MYO10: variants seen among roughly 807,000 people sequenced by gnomAD.
MYO10 encodes the protein myosin X.
Under a neutral mutation model 257.3 loss-of-function variants are expected in MYO10, and 133 were observed. The ratio of observed to expected loss-of-function variants is 0.52; its 90% confidence interval spans 0.45 to 0.60. MYO10 has a LOEUF of 0.60. Among genes scored for constraint, MYO10 ranks in the 20% least tolerant of loss-of-function variants. MYO10 has a pLI of 0.00. For missense variants in MYO10, 2,399 were observed against 2,635.7 expected (o/e 0.91, Z 1.97); for synonymous variants, 1,104 against 1,028.6 (o/e 1.07, Z -1.40).
Position 16,777,839 on chromosome 5 carries a change from CTTTTTTTT to C in MYO10, c.930+1698_930+1705del, listed in dbSNP as rs61326508. ...GCCACCCTAGGTGCATTGCATCTAA[CTTTTTTTT>C]TTTTTTTTTTTTTTTTTTTTGAGAC... is the stretch of plus-strand genomic sequence containing the variant. On this transcript the variant is annotated intron_variant, in intron 9 of 40. Coordinates refer to ENST00000513610, the MANE Select transcript of MYO10 (RefSeq NM_012334.3). 3.9e-3 allele frequency among the ~76,000 whole-genome samples: 345 copies of C among 88,458 alleles called. 4 individuals are homozygous for C. Among genetic ancestry groups the C allele is most frequent in the African/African-American group, 0.016 (301 of 18,630 alleles). 58.0% of individuals were successfully genotyped at this position (88,458 alleles called of 152,430 possible).
At chr5:16,894,571 G>A (rs926356408) in intron 1 of MYO10, among the ~76,000 whole-genome samples, 1 of 152,214 alleles carries the variant, frequency 6.6e-6, no homozygotes, top group African/African-American at 2.4e-5. Context: ...AAGAAGGTGA[G>A]TGGATAATCA....
intron 4 of MYO10, among the ~76,000 whole-genome samples, chr5:16,792,132 C>CACACACACAGAG (rs755315207): frequency 4.0e-5 from 3 of 75,290 alleles, no homozygotes; most frequent in African/African-American, 1.1e-4. Context: ...CACACACACA[C>CACACACACAGAG]AGAGAGAGAG....
At position 16,762,443 on chromosome 5, in the gene MYO10, T is replaced by G. The variant is rs55850620; in HGVS notation, c.1587+102A>C. 6.6e-3 allele frequency: 5,957 copies of G among 899,132 alleles called. 243 individuals carry two copies. In the African/African-American group the frequency reaches 0.089, roughly 13 times the overall value. The allele number at this position is 899,132 out of a possible 1,614,324, so 55.7% of individuals were successfully genotyped here. Reference sequence around the variant, plus strand: ...TTGGTTTGAGAATAAATGTTCAATGTGGGAGGCACAGTTGGGCCAGCGGAC... The same window carrying G: ...TTGGTTTGAGAATAAATGTTCAATGGGGGAGGCACAGTTGGGCCAGCGGAC... On this transcript the variant is annotated intron_variant, in intron 15 of 40. Coordinates refer to ENST00000513610, the MANE Select transcript of MYO10 (RefSeq NM_012334.3).
At chr5:16,771,953 T>C (rs138510872) in intron 9 of MYO10, among the ~76,000 whole-genome samples, 27 of 151,060 alleles carry the variant, frequency 1.8e-4, no homozygotes, top group Non-Finnish European at 2.5e-4. Context: ...AAGAAATCTA[T>C]ATAATCTCCA....
chr5:16,851,096 A>G (rs1211486750), intron 2 of MYO10, among the ~76,000 whole-genome samples: 1 of 152,054 alleles, frequency 6.6e-6, no homozygotes, highest in East Asian at 1.9e-4. Context: ...GAGCCACCAC[A>G]CCTGGCTTCA....
chr5:16,883,626 C>G (rs965955289), intron 1 of MYO10, among the ~76,000 whole-genome samples: 3 of 152,208 alleles, frequency 2.0e-5, no homozygotes, highest in African/African-American at 7.2e-5. Flanking sequence ...CTCCTTCCCA[C>G]TCCAATGGCA....
rs958044461 is a variant in MYO10, at chr5:16,762,556, T to C, written c.1576A>G (p.Ser526Gly). Residue 526 changes from serine to glycine, a missense_variant, in exon 15 of 41, where the codon AGT becomes GGT. Physicochemically the swap from Ser to Gly is moderately conservative, Grantham distance 56. Around this residue, in one of 3 missense-constraint regions of MYO10, gnomAD observed 337 missense variants for 446.8 expected, o/e 0.75. Transcript: ENST00000513610. Reference protein sequence around the residue: ...TDSTLLEKLHSQHANNHFYVK... With the variant: ...TDSTLLEKLHGQHANNHFYVK... ...AGGTTTTGACATACCGCATGCTGACTGTGTAGCTTCTCCAATAAGGTGCTG... is the reference window on the plus strand; with the variant it reads ...AGGTTTTGACATACCGCATGCTGACCGTGTAGCTTCTCCAATAAGGTGCTG... 1 of 1,607,096 alleles carries C rather than the reference T, an allele frequency of 6.2e-7. No individual in the cohort carries two copies. Among genetic ancestry groups the C allele is most frequent in the Admixed American group, 1.7e-5 (1 of 59,224 alleles).
At chr5:16,667,099 C>T (rs963784933) in intron 40 of MYO10, among the ~76,000 whole-genome samples, 13 of 152,202 alleles carry the variant, frequency 8.5e-5, no homozygotes, top group Admixed American at 2.0e-4. Flanking sequence ...TGAAGTTACT[C>T]GGTGTCAACA....
At chr5:16,821,262 C>CTCCTATGTGTACA (rs1212483243) in intron 2 of MYO10, among the ~76,000 whole-genome samples, 22 of 148,638 alleles carry the variant, frequency 1.5e-4, no homozygotes, top group African/African-American at 4.9e-4. Context: ...CTATGTGTAC[C>CTCCTATGTGTACA]TCCTATGTGT....
chr5:16,932,200 T>A (rs1746311933), intron 1 of MYO10, among the ~76,000 whole-genome samples: 1 of 152,246 alleles, frequency 6.6e-6, no homozygotes, highest in Non-Finnish European at 1.5e-5. Context: ...ATCTTACTTG[T>A]GTACATTTTA....
chr5:16,802,025 C>T (rs1016215644), intron 3 of MYO10, among the ~76,000 whole-genome samples: 1 of 152,108 alleles, frequency 6.6e-6, no homozygotes, highest in African/African-American at 2.4e-5. Context: ...TTATGACAGT[C>T]ACAAAAAGAT....
chr5:16,736,530 C>T (rs900673700), intron 19 of MYO10, among the ~76,000 whole-genome samples: 1 of 152,156 alleles, frequency 6.6e-6, no homozygotes, highest in African/African-American at 2.4e-5. Context: ...AATGATGTCA[C>T]GACCAGGTCC....
intron 19 of MYO10, among the ~76,000 whole-genome samples, chr5:16,737,073 T>C (rs57340582): frequency 1.1e-3 from 167 of 152,278 alleles, no homozygotes; most frequent in African/African-American, 3.9e-3. Context: ...AATATTCTTA[T>C]TTATCTGAAG....
chr5:16,671,582 GA>G, intron 37 of MYO10, 40 bp from the exon 38 acceptor site: 2 of 1,613,324 alleles, frequency 1.2e-6, no homozygotes, highest in South Asian at 2.2e-5. Context: ...ATATGAACGA[GA>G]AGGGCCTTCA....
Position 16,783,334 on chromosome 5 carries a change from C to T in MYO10, c.602+1G>A, listed in dbSNP as rs1458319115. On this transcript the variant is annotated splice_donor_variant, in intron 5 of 40. Coordinates refer to ENST00000513610, the MANE Select transcript of MYO10 (RefSeq NM_012334.3). LOFTEE classifies it high-confidence loss of function. The stretch of plus-strand genomic sequence containing the variant: ...TTGGAAACAAGAAAATCAATAAATA[C>T]CTGCTTTCAAGAATAGCTCGTTCAA... 6.7e-7 allele frequency: 1 copy of T among 1,498,862 alleles called. No homozygotes were observed. The highest frequency in any genetic ancestry group is 1.3e-5 in the South Asian group (1 of 75,594). 92.8% of individuals were successfully genotyped at this position (1,498,862 alleles called of 1,614,324 possible).
chr5:16,690,533 G>C (rs1407926972), intron 27 of MYO10, among the ~76,000 whole-genome samples: 1 of 152,134 alleles, frequency 6.6e-6, no homozygotes, highest in Admixed American at 6.5e-5. Flanking sequence ...CCCTCACACT[G>C]GTCTGCCCAA....
At chr5:16,784,648 C>T (rs527770547) in intron 4 of MYO10, among the ~76,000 whole-genome samples, 107 of 152,312 alleles carry the variant, frequency 7.0e-4, no homozygotes, top group Non-Finnish European at 3.4e-4. Context: ...GCCATACAAA[C>T]GCCATCACGA....
chr5:16,852,929 G>C (rs901770033), intron 2 of MYO10, among the ~76,000 whole-genome samples: 1 of 152,090 alleles, frequency 6.6e-6, no homozygotes, highest in Non-Finnish European at 1.5e-5. Flanking sequence ...AGAAATTGAA[G>C]AATAACAACA....
rs1579970359 is a variant in MYO10 at position 16,769,216 on chromosome 5, A to C, written c.931-13T>G. 1.3e-6 allele frequency: 2 copies of C among 1,581,928 alleles called. No individual in the cohort carries two copies. Among genetic ancestry groups the C allele is most frequent in the African/African-American group, 2.7e-5 (2 of 73,432 alleles). ...CGTCCATTGCCGTCTAGAAGAAAAT[A>C]AATGTATTTAATTTTATGTCGTTTT... On this transcript the variant is annotated splice_polypyrimidine_tract_variant and intron_variant, in intron 9 of 40. Transcript: ENST00000513610.
Sources: allele counts gnomAD v4.1 joint callset (sites outside exome capture counted in the v4.1 genomes callset), GRCh38; gene constraint gnomAD v4.1.1; regional missense constraint gnomAD v4.1.1; transcripts MANE v1.5; gene names NCBI Gene and HGNC (gene_info 2026-07-23, HGNC 2026-07-21).